Variants in PTPN12 observed in about 807,000 individuals in gnomAD.
PTPN12 encodes tyrosine-protein phosphatase non-receptor type 12.
A neutral mutation model predicts 97.6 loss-of-function variants in PTPN12; 29 were observed. The ratio of observed to expected loss-of-function variants is 0.30; its 90% confidence interval spans 0.22 to 0.41. The LOEUF (loss-of-function observed/expected upper bound fraction) is 0.41. Ranked by LOEUF, PTPN12 falls within the 10% of genes least tolerant of loss-of-function variation. The pLI, the probability that PTPN12 is intolerant of heterozygous loss-of-function variation, is 1.00. For synonymous variants in PTPN12, 327 were observed against 300.4 expected, an observed-to-expected ratio of 1.09 and a Z score of -0.91; for missense variants, 819 against 926.0, an observed-to-expected ratio of 0.88 and a Z score of 1.50.
chr7:77,639,602 A>G lies in PTPN12; in HGVS notation c.*322A>G, dbSNP rs145390195. 219 of 233,412 alleles carry G rather than the reference A, an allele frequency of 9.4e-4. 2 individuals are homozygous for G. The highest frequency in any genetic ancestry group is 4.0e-3 in the African/African-American group (177 of 44,612). The allele number at this position is 233,412 out of a possible 1,614,324, so 14.5% of individuals were successfully genotyped here. A position where few individuals can be genotyped will look rare whatever the true frequency, so the allele number is the denominator to read the frequency against. On this transcript the variant is annotated 3_prime_UTR_variant, in exon 18 of 18. Transcript: ENST00000248594. ...TCTTTTTCTGTTTTATCATGTATGC[A>G]TTATTTTGTATATGTACAGGGCAAG... is the stretch of plus-strand genomic sequence containing the variant.
intron 11 of PTPN12, among the ~76,000 whole-genome samples, chr7:77,612,915 G>T (rs890671555): frequency 3.0e-4 from 45 of 151,424 alleles, no homozygotes; most frequent in African/African-American, 1.1e-3. Flanking sequence ...GGGATTACAG[G>T]CATGTATCAC....
chr7:77,539,589 A>G (rs1203438469), intron 1 of PTPN12, among the ~76,000 whole-genome samples: 1 of 151,862 alleles, frequency 6.6e-6, no homozygotes, highest in Admixed American at 6.6e-5. Flanking sequence ...GTTTAAAACT[A>G]GTTTTTTTGG....
Position 77,625,472 on chromosome 7 carries a change from G to GCTCGCGCTCTCTCTCTCT in PTPN12, c.1026-1230_1026-1229insGCGCTCTCTCTCTCTCTC. 7.2e-3 allele frequency among the ~76,000 whole-genome samples: 242 copies of GCTCGCGCTCTCTCTCTCT among 33,498 alleles called. 50 individuals carry two copies. The highest frequency in any genetic ancestry group is 0.043 in the Middle Eastern group (2 of 46). The allele number at this position is 33,498 out of a possible 152,430, so 22.0% of individuals were successfully genotyped here. On this transcript the variant is annotated intron_variant, in intron 12 of 17. Transcript: ENST00000248594. ...TTTTGCCATATTGCCCAGGCTGCTC[G>GCTCGCGCTCTCTCTCTCT]CTCTCTCTCTCTCTCTCTCTCTCTC...
intron 8 of PTPN12, among the ~76,000 whole-genome samples, chr7:77,605,412 T>G (rs1395884279): frequency 0.17 from 12,461 of 72,428 alleles, 2,574 homozygotes; most frequent in East Asian, 0.25. Flanking sequence ...GTCATGAGTT[T>G]TTTTTTTTTT....
At position 77,639,326 on chromosome 7, in the gene PTPN12, T is replaced by G; in HGVS notation, c.*46T>G. 6.7e-7 allele frequency: 1 copy of G among 1,499,600 alleles called. No individual in the cohort carries two copies. Among genetic ancestry groups the G allele is most frequent in the Non-Finnish European group, 9.2e-7 (1 of 1,081,794 alleles). The allele number at this position is 1,499,600 out of a possible 1,614,324, so 92.9% of individuals were successfully genotyped here. ...TTTAAGTTATACTGGAAAATTCAGGTGCCACTGAAAGCCAGATTTATAGTA... is the reference window on the plus strand; with the variant it reads ...TTTAAGTTATACTGGAAAATTCAGGGGCCACTGAAAGCCAGATTTATAGTA... On this transcript the variant is annotated 3_prime_UTR_variant, in exon 18 of 18. Transcript: ENST00000248594.
intron 1 of PTPN12, among the ~76,000 whole-genome samples, chr7:77,558,331 C>T (rs910918673): frequency 6.6e-6 from 1 of 152,022 alleles, no homozygotes; most frequent in African/African-American, 2.4e-5. Flanking sequence ...TTTTGGAAGG[C>T]AGTTTGGCCA....
chr7:77,625,419 T>A (rs1789100295), intron 12 of PTPN12, among the ~76,000 whole-genome samples: 1 of 144,420 alleles, frequency 6.9e-6, no homozygotes, highest in Non-Finnish European at 1.5e-5. Flanking sequence ...ATCCAGTTAA[T>A]TTTTTTGTAT....
intron 1 of PTPN12, among the ~76,000 whole-genome samples, chr7:77,565,801 A>G (rs1000195797): frequency 6.6e-6 from 1 of 152,244 alleles, no homozygotes; most frequent in Non-Finnish European, 1.5e-5. Context: ...TTTGTATCAA[A>G]AATTCTAAGT....
chr7:77,639,428 C>G lies in PTPN12; in HGVS notation c.*148C>G. 1 of 602,888 alleles carries G rather than the reference C, an allele frequency of 1.7e-6. No homozygotes were observed. Among genetic ancestry groups the G allele is most frequent in the Non-Finnish European group, 2.9e-6 (1 of 347,572 alleles). 37.3% of individuals were successfully genotyped at this position (602,888 alleles called of 1,614,324 possible). ...TTTTTTGCTGGGACCATCTACCTGC[C>G]TTATACTACACTTAGGAAAAAGTAT... is the stretch of plus-strand genomic sequence containing the variant. On this transcript the variant is annotated 3_prime_UTR_variant, in exon 18 of 18. Transcript: ENST00000248594.
At chr7:77,582,442 G>A (rs1787552981) in intron 3 of PTPN12, among the ~76,000 whole-genome samples, 1 of 151,994 alleles carries the variant, frequency 6.6e-6, no homozygotes, top group Admixed American at 6.5e-5. Flanking sequence ...TATATATGGT[G>A]TTTATACATA....
chr7:77,573,942 G>GTAGACGTGGTTTAGAGACGTGGTGT (rs1787248775), intron 2 of PTPN12, among the ~76,000 whole-genome samples: 1 of 152,154 alleles, frequency 6.6e-6, no homozygotes, highest in Admixed American at 6.5e-5. Flanking sequence ...TGTATTGTTA[G>GTAGACGTGGTTTAGAGACGTGGTGT]TAGAGACGTG....
chr7:77,585,050 A>G (rs957445907), intron 4 of PTPN12: 2 of 152,284 alleles, frequency 1.3e-5, no homozygotes, highest in Admixed American at 1.3e-4. Flanking sequence ...GATAGAATAT[A>G]GGTGATGGCT....
chr7:77,618,477 C>T lies in PTPN12; in HGVS notation c.940-3C>T. ...CTTAGTGAAGTATTTTTTCCCTTGGCAGAATGAAATTAACACTGAAAACAT... is the reference window on the plus strand; with the variant it reads ...CTTAGTGAAGTATTTTTTCCCTTGGTAGAATGAAATTAACACTGAAAACAT... On this transcript the variant is annotated splice_region_variant and splice_polypyrimidine_tract_variant and intron_variant, in intron 11 of 17. Coordinates refer to ENST00000248594, the MANE Select transcript of PTPN12 (RefSeq NM_002835.4). The T allele has an allele frequency of 6.4e-7, 1 of 1,568,748 alleles. No individual in the cohort carries two copies.
intron 1 of PTPN12, chr7:77,538,981 TA>T (rs1465769723): frequency 6.6e-6 from 1 of 152,194 alleles, no homozygotes; most frequent in Non-Finnish European, 1.5e-5. Flanking sequence ...AATAATCACT[TA>T]ATTCTGAAAT....
At chr7:77,630,040 C>T (rs946139543) in intron 13 of PTPN12, among the ~76,000 whole-genome samples, 5 of 151,440 alleles carry the variant, frequency 3.3e-5, no homozygotes, top group African/African-American at 9.7e-5. Context: ...GCAAAAATCA[C>T]TATACATGTG....
chr7:77,542,372 A>AG (rs1807020385), intron 1 of PTPN12, among the ~76,000 whole-genome samples: 1 of 152,172 alleles, frequency 6.6e-6, no homozygotes, highest in African/African-American at 2.4e-5. Flanking sequence ...CTGGTAGAAA[A>AG]GGTGAGAATC....
At chr7:77,554,380 T>A (rs1807608836) in intron 1 of PTPN12, among the ~76,000 whole-genome samples, 1 of 152,252 alleles carries the variant, frequency 6.6e-6, no homozygotes, top group Admixed American at 6.5e-5. Context: ...GATTACTTTA[T>A]AATGACAAAG....
chr7:77,573,105 C>CACAAAAA lies in PTPN12; in HGVS notation c.208+1920_208+1921insCAAAAAA. Among the ~76,000 whole-genome samples the CACAAAAA allele has an allele frequency of 4.2e-5, 2 of 47,854 alleles. 1 individual carries two copies. The highest frequency in any genetic ancestry group is 1.2e-3 in the East Asian group (2 of 1,738). 31.4% of individuals were successfully genotyped at this position (47,854 alleles called of 152,430 possible). On this transcript the variant is annotated intron_variant, in intron 2 of 17. Coordinates refer to ENST00000248594, the MANE Select transcript of PTPN12 (RefSeq NM_002835.4). ...CTCAAAAAAAAAAAAAACAAAAAAA[C>CACAAAAA]AAAAAAAACCAGTGTACCTAGCACA...
intron 1 of PTPN12, 43 bp from the exon 2 acceptor site, chr7:77,571,035 C>CGCCCGGG: frequency 7.6e-7 from 1 of 1,319,792 alleles, no homozygotes; most frequent in East Asian, 2.7e-5. Context: ...TTGAAAATAT[C>CGCCCGGG]ACTGTTTCTC....
Sources: gnomAD v4.1 joint callset for allele counts (sites outside exome capture counted in the v4.1 genomes callset) on GRCh38, gnomAD v4.1.1 for gene constraint, MANE v1.5 for transcripts, NCBI Gene and HGNC (gene_info 2026-07-23, HGNC 2026-07-21) for gene names.